The following BABAM2 variants were observed in gnomAD, a reference collection of about 807,000 sequenced individuals.
BABAM2 encodes the protein BRISC and BRCA1-A complex member 2.
Under a neutral mutation model 54.7 loss-of-function variants are expected in BABAM2, and 31 were observed. The ratio of observed to expected loss-of-function variants is 0.57; its 90% CI spans 0.43 to 0.77. BABAM2 has a LOEUF of 0.77. BABAM2 is among the 30% of genes least tolerant of loss of function. The pLI is 0.00. For synonymous variants in BABAM2, 167 were observed against 162.9 expected, an observed-to-expected ratio of 1.03 and a Z score of -0.19; for missense variants, 364 against 455.8, an observed-to-expected ratio of 0.80 and a Z score of 1.83.
intron 7 of BABAM2, among the ~76,000 whole-genome samples, chr2:28,162,459 A>G (rs1255892489): frequency 6.6e-6 from 1 of 152,188 alleles, no homozygotes; most frequent in African/African-American, 2.4e-5. Flanking sequence ...TCCACTTCAC[A>G]GTTTTGAGGA....
chr2:28,026,311 A>C (rs1483965793), intron 5 of BABAM2, among the ~76,000 whole-genome samples: 1 of 152,224 alleles, frequency 6.6e-6, no homozygotes, highest in Non-Finnish European at 1.5e-5. Context: ...TGTTCACAAT[A>C]GCAAAGACTT....
chr2:27,982,822 C>A (rs575492183), intron 3 of BABAM2, among the ~76,000 whole-genome samples: 2 of 147,910 alleles, frequency 1.4e-5, no homozygotes, highest in African/African-American at 5.0e-5. Flanking sequence ...CCTTTTAAGG[C>A]TGAATAATAT....
At chr2:28,114,516 TC>T (rs1269427253) in intron 6 of BABAM2, among the ~76,000 whole-genome samples, 1 of 152,214 alleles carries the variant, frequency 6.6e-6, no homozygotes, top group African/African-American at 2.4e-5. Context: ...GAAACTTCTC[TC>T]ATTTTCATGT....
intron 11 of BABAM2, among the ~76,000 whole-genome samples, chr2:28,328,856 C>T (rs752867108): frequency 2.0e-5 from 3 of 152,176 alleles, no homozygotes; most frequent in East Asian, 1.9e-4. Flanking sequence ...GCTCTCTCCC[C>T]GCTGCCAGTC....
chr2:27,940,805 C>T (rs1668819228), intron 3 of BABAM2, among the ~76,000 whole-genome samples: 1 of 152,178 alleles, frequency 6.6e-6, no homozygotes, highest in Admixed American at 6.5e-5. Context: ...GCCAGGTTCT[C>T]AGGGACTAGA....
At chr2:27,969,847 C>G (rs1414846377) in intron 3 of BABAM2, among the ~76,000 whole-genome samples, 2 of 152,088 alleles carry the variant, frequency 1.3e-5, no homozygotes, top group African/African-American at 4.8e-5. Context: ...ATGGTTGCCC[C>G]CTACAGCAAA....
At chr2:28,217,197 C>A (rs1372132486) in intron 7 of BABAM2, among the ~76,000 whole-genome samples, 1 of 152,060 alleles carries the variant, frequency 6.6e-6, no homozygotes, top group Non-Finnish European at 1.5e-5. Flanking sequence ...GTCTTGTTTA[C>A]TGTCATATCT....
At chr2:28,331,603 A>C (rs149528691) in intron 11 of BABAM2, among the ~76,000 whole-genome samples, 2 of 152,362 alleles carry the variant, frequency 1.3e-5, no homozygotes, top group African/African-American at 4.8e-5. Flanking sequence ...AACCCAAATC[A>C]AAACCACAAT....
intron 6 of BABAM2, among the ~76,000 whole-genome samples, chr2:28,110,569 A>G (rs1158941683): frequency 6.6e-6 from 1 of 152,076 alleles, no homozygotes; most frequent in African/African-American, 2.4e-5. Context: ...GGTTGCAGTG[A>G]GCCGAGATTG....
chr2:28,336,549 A>G (rs566542554), intron 11 of BABAM2, among the ~76,000 whole-genome samples: 6 of 152,168 alleles, frequency 3.9e-5, no homozygotes, highest in African/African-American at 1.2e-4. Context: ...GGGAGTGCCG[A>G]AGGAGGGGCA....
chr2:27,954,329 C>G (rs900115181), intron 3 of BABAM2, among the ~76,000 whole-genome samples: 1 of 152,188 alleles, frequency 6.6e-6, no homozygotes, highest in Non-Finnish European at 1.5e-5. Flanking sequence ...AAGATTTGGT[C>G]GCTGGCCATT....
intron 10 of BABAM2, among the ~76,000 whole-genome samples, chr2:28,289,658 G>A (rs1687118465): frequency 6.6e-6 from 1 of 152,136 alleles, no homozygotes; most frequent in Non-Finnish European, 1.5e-5. Flanking sequence ...GGGCATGGTG[G>A]CACACACCTG....
intron 6 of BABAM2, among the ~76,000 whole-genome samples, chr2:28,055,759 A>T (rs1034708984): frequency 6.6e-6 from 1 of 152,220 alleles, no homozygotes; most frequent in African/African-American, 2.4e-5. Context: ...AAAGGAAATG[A>T]AATCACCACC....
intron 4 of BABAM2, among the ~76,000 whole-genome samples, chr2:28,008,978 G>T (rs564405341): frequency 6.6e-6 from 1 of 152,282 alleles, no homozygotes; most frequent in Admixed American, 6.5e-5. Flanking sequence ...AACTTCCTGG[G>T]ATACGTGTGG....
At chr2:27,957,260 A>G (rs1442624714) in intron 3 of BABAM2, among the ~76,000 whole-genome samples, 3 of 152,338 alleles carry the variant, frequency 2.0e-5, no homozygotes, top group Non-Finnish European at 2.9e-5. Context: ...CACAATTTTC[A>G]AAGTACTTTA....
chr2:28,119,015 C>T (rs868569861), intron 6 of BABAM2, among the ~76,000 whole-genome samples: 3 of 152,128 alleles, frequency 2.0e-5, no homozygotes, highest in Non-Finnish European at 2.9e-5. Flanking sequence ...TCAGGTTTGT[C>T]GAAGATCAGA....
intron 11 of BABAM2, among the ~76,000 whole-genome samples, chr2:28,330,536 C>G (rs1192072306): frequency 2.0e-5 from 3 of 152,126 alleles, no homozygotes; most frequent in African/African-American, 7.2e-5. Context: ...TATACACCAA[C>G]AGTAGACAAG....
chr2:28,338,083 C>G (rs1295344084), intron 11 of BABAM2, among the ~76,000 whole-genome samples: 1 of 152,228 alleles, frequency 6.6e-6, no homozygotes, highest in African/African-American at 2.4e-5. Flanking sequence ...TCCTGATACT[C>G]TAGATCACTA....
chr2:28,196,836 C>CTTTTTTTTTTTTTTTT lies in BABAM2; in HGVS notation c.681-40354_681-40339dup, dbSNP rs759950166. 9.9e-5 allele frequency among the ~76,000 whole-genome samples: 4 copies of CTTTTTTTTTTTTTTTT among 40,248 alleles called. 1 individual carries two copies. The highest frequency in any genetic ancestry group is 3.8e-4 in the African/African-American group (4 of 10,466). The allele number at this position is 40,248 out of a possible 152,430, so 26.4% of individuals were successfully genotyped here. A position where few individuals can be genotyped will look rare whatever the true frequency, so the allele number is the denominator to read the frequency against. On this transcript the variant is annotated intron_variant, in intron 7 of 11. Transcript: ENST00000379624. ...CCTGGGTGACAGAGTGAGACCCTGT[C>CTTTTTTTTTTTTTTTT]TTTTTTTTTTTTTTTTTTTTTTTTT...
Sources: allele counts gnomAD v4.1 joint callset (sites outside exome capture counted in the v4.1 genomes callset), GRCh38; gene constraint gnomAD v4.1.1; transcripts MANE v1.5; gene names NCBI Gene and HGNC (gene_info 2026-07-23, HGNC 2026-07-21).